The following AHCY variants were observed in gnomAD, a reference collection of about 807,000 sequenced individuals.
AHCY encodes the protein S-adenosyl-L-homocysteine hydrolase.
AHCY carries 24 observed loss-of-function variants against 45.4 expected under a neutral mutation model. The ratio of observed to expected loss-of-function variants is 0.53; its 90% CI spans 0.38 to 0.74. The LOEUF is 0.74. Among genes scored for constraint, AHCY ranks in the 30% least tolerant of loss-of-function variants. AHCY has a pLI of 0.00. For missense variants in AHCY, 449 were observed against 594.1 expected, an observed-to-expected ratio of 0.76 and a Z score of 2.54; for synonymous variants, 245 against 235.1, an observed-to-expected ratio of 1.04 and a Z score of -0.39.
At chr20:34,245,849 T>C in the AHCY span, 16 of 782,184 alleles carry the variant, frequency 2.0e-5, no homozygotes, top group East Asian at 1.1e-3. Flanking sequence ...AGAATATATA[T>C]ATATTCTACA....
chr20:34,268,341 G>A, the AHCY span, among the ~76,000 whole-genome samples: 2 of 152,150 alleles, frequency 1.3e-5, no homozygotes, highest in Non-Finnish European at 2.9e-5. Flanking sequence ...GCGGGGCAGC[G>A]AAGTTAACAG....
chr20:34,269,946 T>TA, the AHCY span, among the ~76,000 whole-genome samples: 2,606 of 59,102 alleles, frequency 0.044, 243 homozygotes, highest in Non-Finnish European at 0.061. Flanking sequence ...AACTCTGTCT[T>TA]AAAAAAAAAA....
chr20:34,258,753 AAT>A, the AHCY span, among the ~76,000 whole-genome samples: 2,525 of 84,026 alleles, frequency 0.03, 416 homozygotes, highest in African/African-American at 0.19. Context: ...TACTATATAT[AAT>A]ATATGATATA....
chr20:34,253,147 GC>G, the AHCY span, among the ~76,000 whole-genome samples: 3 of 148,702 alleles, frequency 2.0e-5, no homozygotes, highest in Admixed American at 6.8e-5. Context: ...TCGCTCTGTT[GC>G]CCAGGCTGGA....
In AHCY at chr20:34,292,374, G is replaced by A. The variant is rs11552698; in HGVS notation, c.429C>T (p.Tyr143=). 1 of 1,613,430 alleles carries A rather than the reference G, an allele frequency of 6.2e-7. No homozygotes were observed. Among genetic ancestry groups the A allele is most frequent in the Non-Finnish European group, 8.5e-7 (1 of 1,180,014 alleles). ...GDLTNLIHTK[Y]PQLLPGIRGI... ...CCTGCTCACCTGGCAGAAGCTGCGG[G>A]TACTTGGTGTGGATGAGGTTGGTGA... Residue 143 remains tyrosine (Y), a synonymous_variant, in exon 4 of 10, where the codon TAC becomes TAT. Coordinates refer to ENST00000217426, the MANE Select transcript of AHCY (RefSeq NM_000687.4).
At chr20:34,282,615 T>C (rs2036039809) in intron 9 of AHCY, among the ~76,000 whole-genome samples, 1 of 152,154 alleles carries the variant, frequency 6.6e-6, no homozygotes, top group Non-Finnish European at 1.5e-5. Context: ...AATGAGGAAA[T>C]CAAGGTTCAG....
chr20:34,295,643 G>T, intron 1 of AHCY, 58 bp from the exon 2 acceptor site: 2 of 1,573,738 alleles, frequency 1.3e-6, no homozygotes, highest in Non-Finnish European at 1.7e-6. Context: ...AACCAAGAGG[G>T]GCGGTCACTG....
chr20:34,291,623 C>G, intron 4 of AHCY, 92 bp from the exon 5 acceptor site: 1 of 1,193,674 alleles, frequency 8.4e-7, no homozygotes, highest in East Asian at 2.4e-5. Flanking sequence ...ATTCCTCTTT[C>G]TGGGTTCCCA....
At chr20:34,284,104 G>A (rs1028864453) in intron 9 of AHCY, among the ~76,000 whole-genome samples, 1 of 152,146 alleles carries the variant, frequency 6.6e-6, no homozygotes. Flanking sequence ...CATGTCAGAG[G>A]ACTTCATCTT....
chr20:34,285,915 A>C, intron 8 of AHCY: 1 of 418,264 alleles, frequency 2.4e-6, no homozygotes, highest in Non-Finnish European at 4.5e-6. Flanking sequence ...CTTGGCCAAC[A>C]CAGTGAAAGC....
At chr20:34,281,188 C>G (rs373677983) in intron 9 of AHCY, 23 bp from the exon 10 acceptor site, 2 of 1,611,938 alleles carry the variant, frequency 1.2e-6, no homozygotes, top group South Asian at 1.1e-5. Context: ...AAAGGAAGAC[C>G]GGGAATCAGT....
chr20:34,310,220 ATTATTT>A (rs1489219905), intron 1 of AHCY, among the ~76,000 whole-genome samples: 6 of 151,402 alleles, frequency 4.0e-5, no homozygotes, highest in Admixed American at 3.9e-4. Flanking sequence ...CGCCCAGCTA[ATTATTT>A]TTATTTTTAT....
chr20:34,236,498 T>C, the AHCY span, among the ~76,000 whole-genome samples: 1 of 151,658 alleles, frequency 6.6e-6, no homozygotes, highest in Non-Finnish European at 1.5e-5. Flanking sequence ...GAGCTGAGAT[T>C]GCACCACTGC....
chr20:34,302,975 C>G lies in AHCY; in HGVS notation c.28+268G>C. 4.1e-6 allele frequency: 4 copies of G among 985,474 alleles called. No homozygotes were observed. The South Asian group carries it at 1.4e-4, about 35-fold the overall frequency. The allele number at this position is 985,474 out of a possible 1,614,324, so 61.0% of individuals were successfully genotyped here. ...TGGCCAGGTGTGCTCTCCCGCGGAG[C>G]ACGCCGCCAGTTTGCGGCTCGCAGA... On this transcript the variant is annotated intron_variant, in intron 1 of 9. Transcript: ENST00000217426.
the AHCY span, among the ~76,000 whole-genome samples, chr20:34,273,077 G>C: frequency 2.6e-5 from 4 of 152,136 alleles, no homozygotes; most frequent in Non-Finnish European, 5.9e-5. Context: ...TTTTTATGGA[G>C]GCTTCATTAT....
At chr20:34,275,496 C>T (rs988432105), downstream of AHCY, among the ~76,000 whole-genome samples, 23 of 151,938 alleles carry the variant, frequency 1.5e-4, no homozygotes, top group Non-Finnish European at 1.8e-4. Context: ...TCCACTACAG[C>T]GAGACTCAGA....
upstream of AHCY, among the ~76,000 whole-genome samples, chr20:34,305,079 G>A (rs1168350660): frequency 6.6e-6 from 1 of 150,650 alleles, no homozygotes; most frequent in East Asian, 2.0e-4. Context: ...ACATTGGGAG[G>A]CCGAGGCGGG....
chr20:34,255,688 G>A, the AHCY span, among the ~76,000 whole-genome samples: 2 of 152,164 alleles, frequency 1.3e-5, no homozygotes, highest in Non-Finnish European at 2.9e-5. Flanking sequence ...ACAGAGATAG[G>A]AGCTGAAGGG....
At chr20:34,303,640 T>G (rs1395100206), upstream of AHCY, among the ~76,000 whole-genome samples, 6 of 152,258 alleles carry the variant, frequency 3.9e-5, no homozygotes, top group Admixed American at 3.9e-4. Context: ...CACTTCCCTG[T>G]GCCTCAATTT....
Sources: gnomAD v4.1 joint callset for allele counts (sites outside exome capture counted in the v4.1 genomes callset) on GRCh38, gnomAD v4.1.1 for gene constraint, MANE v1.5 for transcripts, NCBI Gene and HGNC (gene_info 2026-07-23, HGNC 2026-07-21) for gene names.